Variants in LRP8 observed in about 807,000 individuals in gnomAD.
The protein encoded by LRP8 is low-density lipoprotein receptor-related protein 8.
LRP8 carries 46 observed loss-of-function variants against 111.6 expected under a neutral mutation model. The observed-to-expected ratio is 0.41, with a 90% CI of 0.33 to 0.53. The LOEUF (loss-of-function observed/expected upper bound fraction) is 0.53. Ranked by LOEUF, LRP8 falls within the 20% of genes least tolerant of loss-of-function variation. The probability of loss-of-function intolerance (pLI) is 0.20; values close to 1 mark genes in which losing one functional copy is unlikely to be tolerated. For missense variants in LRP8, 959 were observed against 1,297.4 expected (o/e 0.74, Z 4.01); for synonymous variants, 464 against 511.2 (o/e 0.91, Z 1.24).
At chr1:53,321,432 C>T (rs1183153593) in intron 2 of LRP8, among the ~76,000 whole-genome samples, 2 of 152,152 alleles carry the variant, frequency 1.3e-5, no homozygotes, top group African/African-American at 4.8e-5. Flanking sequence ...AGTGCTGGCC[C>T]CCTGGGACAG....
chr1:53,304,835 G>A (rs1171509489), intron 2 of LRP8, among the ~76,000 whole-genome samples: 1 of 152,204 alleles, frequency 6.6e-6, no homozygotes, highest in East Asian at 1.9e-4. Flanking sequence ...GAAGAGGAAA[G>A]GTGTGGGGTC....
Position 53,271,041 on chromosome 1 carries a change from G to A in LRP8, c.1239C>T (p.Asn413=). 2 of 1,614,018 alleles carry A rather than the reference G, an allele frequency of 1.2e-6. No individual in the cohort carries two copies. Among genetic ancestry groups the A allele is most frequent in the South Asian group, 2.2e-5 (2 of 91,068 alleles). ...PGYEMDLLTK[N]CKAAAGKSPS... is the part of the protein sequence containing the mutation. The stretch of plus-strand genomic sequence containing the variant: ...GGGTGTTCATACCAGCAGCCTTGCA[G>A]TTCTTGGTCAGTAGGTCCATCTCGT... The change falls in exon 8 of 19, where the codon AAC becomes AAT. Residue 413 remains asparagine, a synonymous_variant. Coordinates refer to ENST00000306052, the MANE Select transcript of LRP8 (RefSeq NM_004631.5).
intron 2 of LRP8, among the ~76,000 whole-genome samples, chr1:53,323,392 C>T (rs761916520): frequency 3.9e-4 from 60 of 152,230 alleles, no homozygotes; most frequent in South Asian, 2.1e-4. Flanking sequence ...CGTTCATCGG[C>T]GCTATGGTTA....
At chr1:53,312,227 G>A (rs967003960) in intron 2 of LRP8, among the ~76,000 whole-genome samples, 3 of 152,232 alleles carry the variant, frequency 2.0e-5, no homozygotes, top group Non-Finnish European at 2.9e-5. Context: ...GAGGCAGTCT[G>A]TAACAGCGGC....
chr1:53,276,976 C>T lies in LRP8; in HGVS notation c.599G>A (p.Gly200Asp). 1.3e-6 allele frequency: 2 copies of T among 1,508,350 alleles called. No homozygotes were observed. Among genetic ancestry groups the T allele is most frequent in the African/African-American group, 1.4e-5 (1 of 70,290 alleles). The allele number at this position is 1,508,350 out of a possible 1,614,324, so 93.4% of individuals were successfully genotyped here. Residue 200 changes from glycine to aspartate, a missense_variant, in exon 5 of 19, where the codon GGC becomes GAC. Physicochemically the swap from Gly to Asp is moderately conservative, Grantham distance 94. Around this residue, in one of 3 missense-constraint regions of LRP8, gnomAD observed 819 missense variants for 1,097.6 expected, o/e 0.75. Coordinates refer to ENST00000306052, the MANE Select transcript of LRP8 (RefSeq NM_004631.5). ...DDCGDGSDERGCADPACGPRE... is the reference protein window; with the variant it reads ...DDCGDGSDERDCADPACGPRE... The stretch of plus-strand genomic sequence containing the variant: ...GGGCCCGCAGGCCGGGTCTGCACAG[C>T]CGCGCTCATCGCTGCCGTCACCACA...
chr1:53,257,865 CTA>C (rs1180610166), intron 14 of LRP8: 4 of 241,290 alleles, frequency 1.7e-5, no homozygotes, highest in African/African-American at 8.9e-5. Context: ...AAGGCCTTGG[CTA>C]TACATCAAGA....
Position 53,327,814 on chromosome 1 carries a change from C to G in LRP8, c.99G>C (p.Ala33=), listed in dbSNP as rs1655368185. ...LLQLQHLAAA[A]ADPLLGGQGP... ...CTTGGCCGCCGAGCAGCGGATCAGC[C>G]GCTGCCGCCGCAAGATGCTGGAGCT... Residue 33 remains alanine (A), a synonymous_variant, in exon 1 of 19, where the codon GCG becomes GCC. Coordinates refer to ENST00000306052, the MANE Select transcript of LRP8 (RefSeq NM_004631.5). 6.6e-7 allele frequency: 1 copy of G among 1,511,596 alleles called. No individual in the cohort carries two copies. The highest frequency in any genetic ancestry group is 8.8e-7 in the Non-Finnish European group (1 of 1,136,158). 93.6% of individuals were successfully genotyped at this position (1,511,596 alleles called of 1,614,324 possible).
intron 2 of LRP8, chr1:53,304,450 C>T (rs1158526013): frequency 6.6e-6 from 1 of 152,344 alleles, no homozygotes; most frequent in Non-Finnish European, 1.5e-5. Flanking sequence ...CCTCCCCTCA[C>T]CTGGCCCTGT....
At chr1:53,316,916 C>G (rs1653883507) in intron 2 of LRP8, among the ~76,000 whole-genome samples, 1 of 152,174 alleles carries the variant, frequency 6.6e-6, no homozygotes, top group African/African-American at 2.4e-5. Context: ...CATTCCCCAC[C>G]ACGACGGCCT....
chr1:53,273,457 C>T (rs961647319), intron 6 of LRP8, among the ~76,000 whole-genome samples: 12 of 152,202 alleles, frequency 7.9e-5, no homozygotes, highest in African/African-American at 1.4e-4. Context: ...ATACAGACAC[C>T]GGCCTCTCAC....
intron 6 of LRP8, among the ~76,000 whole-genome samples, chr1:53,271,926 C>A (rs1646771830): frequency 6.6e-6 from 1 of 151,830 alleles, no homozygotes; most frequent in South Asian, 2.1e-4. Flanking sequence ...TGCACAGGCT[C>A]CCTTAAAGCA....
intron 3 of LRP8, among the ~76,000 whole-genome samples, chr1:53,283,215 C>T (rs368314799): frequency 6.6e-6 from 1 of 152,040 alleles, no homozygotes; most frequent in Admixed American, 6.6e-5. Flanking sequence ...CCTTCCACCA[C>T]GTGAGGATGA....
At chr1:53,260,367 A>C in intron 13 of LRP8, 97 bp downstream of exon 13, 2 of 1,094,818 alleles carry the variant, frequency 1.8e-6, no homozygotes, top group South Asian at 1.5e-5. Flanking sequence ...GGGGTTGCTG[A>C]GTTGTGACCT....
rs961955157 is a variant in LRP8, at chr1:53,303,432, C to T, written c.245-13743G>A. Among the ~76,000 whole-genome samples, 4 of 152,194 alleles carry T rather than the reference C, an allele frequency of 2.6e-5. No homozygotes were observed. The highest frequency in any genetic ancestry group is 7.2e-5 in the African/African-American group (3 of 41,454). ...ATGAGAAAAGGGGCCACAGCAGCCTCGCGCTCCCATGGCAACCTCAGCAAA... is the reference window on the plus strand; with the variant it reads ...ATGAGAAAAGGGGCCACAGCAGCCTTGCGCTCCCATGGCAACCTCAGCAAA... On this transcript the variant is annotated intron_variant, in intron 2 of 18. Transcript: ENST00000306052. This position sits in a 1 kb window ranked among gnomAD's most constrained non-coding sequence, Gnocchi z 4.3.
intron 6 of LRP8, 30 bp from the exon 7 acceptor site, chr1:53,271,376 CA>C: frequency 1.2e-6 from 2 of 1,613,516 alleles, no homozygotes; most frequent in South Asian, 2.2e-5. Context: ...CCTGAAGGTC[CA>C]GGAGCCCAGG....
At chr1:53,263,154 AG>A (rs1425259573) in intron 10 of LRP8, among the ~76,000 whole-genome samples, 1 of 152,142 alleles carries the variant, frequency 6.6e-6, no homozygotes, top group African/African-American at 2.4e-5. Flanking sequence ...CTATGATGTG[AG>A]GGACAGGATG....
chr1:53,307,817 T>C (rs1158607870), intron 2 of LRP8, among the ~76,000 whole-genome samples: 2 of 152,240 alleles, frequency 1.3e-5, no homozygotes, highest in South Asian at 2.1e-4. Flanking sequence ...GTTTGTTCAA[T>C]TGGTCCAGGC....
intron 6 of LRP8, 91 bp from the exon 7 acceptor site, chr1:53,271,437 A>C: frequency 6.8e-7 from 1 of 1,463,530 alleles, no homozygotes. Flanking sequence ...GCAGAGCCTC[A>C]GGGCAGTGGG....
intron 2 of LRP8, among the ~76,000 whole-genome samples, chr1:53,298,560 G>A (rs1650196723): frequency 6.6e-6 from 1 of 152,218 alleles, no homozygotes; most frequent in Non-Finnish European, 1.5e-5. Context: ...CAGAGAAACA[G>A]CTAGAAGAAA....
Sources: allele counts gnomAD v4.1 joint callset (sites outside exome capture counted in the v4.1 genomes callset), GRCh38; gene constraint gnomAD v4.1.1; regional missense constraint gnomAD v4.1.1; non-coding constraint Gnocchi (gnomAD v3.1); transcripts MANE v1.5; gene names NCBI Gene and HGNC (gene_info 2026-07-23, HGNC 2026-07-21).